The following CNTN5 variants were observed in gnomAD, a reference collection of about 807,000 sequenced individuals.
CNTN5 encodes the protein contactin 5, also known as contactin-5.
Under a neutral mutation model 129.1 loss-of-function variants are expected in CNTN5, and 77 were observed. The observed-to-expected ratio is 0.60, with a 90% confidence interval of 0.50 to 0.72. The LOEUF (loss-of-function observed/expected upper bound fraction) is 0.72, where lower values mean the gene tolerates loss of function less well. CNTN5 is among the 30% of genes least tolerant of loss of function. The pLI, the probability that CNTN5 is intolerant of heterozygous loss-of-function variation, is 0.00. For synonymous variants in CNTN5, 509 were observed against 465.6 expected (o/e 1.09, Z -1.20); for missense variants, 1,478 against 1,328.8 (o/e 1.11, Z -1.75).
chr11:99,812,330 TG>T lies in CNTN5; in HGVS notation c.56-7213del, dbSNP rs1205811905. On this transcript the variant is annotated intron_variant, in intron 3 of 24. Coordinates refer to ENST00000524871, the MANE Select transcript of CNTN5 (RefSeq NM_014361.4). Reference sequence around the variant, plus strand: ...ACTTTTTCAGTTCCTCAGGGTAAAATGAATATGACAATTCGGTATTCATATT... The same window carrying T: ...ACTTTTTCAGTTCCTCAGGGTAAAATAATATGACAATTCGGTATTCATATT... Among the ~76,000 whole-genome samples the T allele has an allele frequency of 3.9e-5, 6 of 152,230 alleles. No homozygotes were observed. The East Asian group carries it at 1.2e-3, about 29-fold the overall frequency.
chr11:100,070,273 G>T, intron 10 of CNTN5, 151 bp from the exon 11 acceptor site: 1 of 596,146 alleles, frequency 1.7e-6, no homozygotes. Context: ...ATAGAATTTT[G>T]TGTGTAACGC....
chr11:99,888,857 C>T lies in CNTN5; in HGVS notation c.578-27197C>T, dbSNP rs761040966. On this transcript the variant is annotated intron_variant, in intron 6 of 24. Transcript: ENST00000524871. ...CTGAGTTTGACACATTACTGCGTGA[C>T]GCAGGGCAAATTTAATTTCTCTAAG... 5.3e-5 allele frequency among the ~76,000 whole-genome samples: 8 copies of T among 152,134 alleles called. No individual in the cohort carries two copies. In the East Asian group the frequency reaches 5.8e-4, roughly 11 times the overall value.
At chr11:99,661,292 T>C (rs1228011754) in intron 3 of CNTN5, among the ~76,000 whole-genome samples, 1 of 152,184 alleles carries the variant, frequency 6.6e-6, no homozygotes, top group Non-Finnish European at 1.5e-5. Context: ...AACTATATTT[T>C]CTGATACATA....
intron 3 of CNTN5, among the ~76,000 whole-genome samples, chr11:99,561,578 G>C (rs897267421): frequency 6.6e-6 from 1 of 152,080 alleles, no homozygotes; most frequent in African/African-American, 2.4e-5. Flanking sequence ...GTGATTTCAT[G>C]GTGGAGAAAA....
At chr11:99,065,596 A>G (rs1446337161) in intron 1 of CNTN5, among the ~76,000 whole-genome samples, 1 of 152,178 alleles carries the variant, frequency 6.6e-6, no homozygotes, top group Non-Finnish European at 1.5e-5. Flanking sequence ...TAATAGCAAT[A>G]TTTACATGTA....
intron 23 of CNTN5, among the ~76,000 whole-genome samples, chr11:100,341,920 ATATAT>A (rs996835233): frequency 5.1e-4 from 77 of 151,372 alleles, no homozygotes; most frequent in Non-Finnish European, 8.8e-4. Context: ...ATATAATAAA[ATATAT>A]TAAGTATAAT....
chr11:100,275,982 C>T (rs1239374986), intron 18 of CNTN5, among the ~76,000 whole-genome samples: 1 of 152,128 alleles, frequency 6.6e-6, no homozygotes, highest in African/African-American at 2.4e-5. Flanking sequence ...AGTACATATC[C>T]AGTATTTTAA....
chr11:99,684,395 CT>C (rs1953695272), intron 3 of CNTN5, among the ~76,000 whole-genome samples: 1 of 151,818 alleles, frequency 6.6e-6, no homozygotes, highest in Non-Finnish European at 1.5e-5. Flanking sequence ...ACTAAGTCCA[CT>C]TAACAACTGT....
chr11:99,724,753 A>G (rs986952782), intron 3 of CNTN5, among the ~76,000 whole-genome samples: 4 of 152,134 alleles, frequency 2.6e-5, no homozygotes, highest in Admixed American at 6.5e-5. Flanking sequence ...ACAGTATCTG[A>G]CAAAAAAAAA....
At chr11:100,008,569 A>G (rs1337977771) in intron 9 of CNTN5, among the ~76,000 whole-genome samples, 2 of 152,102 alleles carry the variant, frequency 1.3e-5, no homozygotes, top group African/African-American at 4.8e-5. Flanking sequence ...TCTGTTCTCA[A>G]AGAAATTGCA....
chr11:99,375,838 A>G (rs1940146946), intron 2 of CNTN5, among the ~76,000 whole-genome samples: 1 of 152,196 alleles, frequency 6.6e-6, no homozygotes, highest in South Asian at 2.1e-4. Flanking sequence ...CTTCCACCAT[A>G]TTCTGTTGGT....
chr11:99,504,491 C>T (rs1205912211), intron 2 of CNTN5, among the ~76,000 whole-genome samples: 1 of 143,058 alleles, frequency 7.0e-6, no homozygotes, highest in Non-Finnish European at 1.5e-5. Flanking sequence ...CAGTGAGCCA[C>T]TGCACGCCAG....
chr11:100,024,478 T>G (rs1330986549), intron 9 of CNTN5, among the ~76,000 whole-genome samples: 1 of 152,160 alleles, frequency 6.6e-6, no homozygotes, highest in East Asian at 1.9e-4. Flanking sequence ...GAAGCAACTT[T>G]GGAACTGGGT....
At chr11:99,580,129 C>G (rs1246683418) in intron 3 of CNTN5, among the ~76,000 whole-genome samples, 1 of 152,134 alleles carries the variant, frequency 6.6e-6, no homozygotes, top group Non-Finnish European at 1.5e-5. Flanking sequence ...CGCTGGATTA[C>G]ATTTATTGAT....
intron 1 of CNTN5, among the ~76,000 whole-genome samples, chr11:99,119,838 A>T (rs147487130): frequency 1.4e-3 from 211 of 152,182 alleles, no homozygotes; most frequent in African/African-American, 4.9e-3. Context: ...GTGAGATGGT[A>T]TCTCATTGTG....
chr11:99,296,631 C>T (rs1266268754), intron 1 of CNTN5, among the ~76,000 whole-genome samples: 1 of 152,132 alleles, frequency 6.6e-6, no homozygotes, highest in African/African-American at 2.4e-5. Context: ...GAATATGGAA[C>T]CAAACATTGG....
chr11:99,283,300 G>T (rs1433135185), intron 1 of CNTN5, among the ~76,000 whole-genome samples: 3 of 151,958 alleles, frequency 2.0e-5, no homozygotes, highest in Non-Finnish European at 1.5e-5. Context: ...AAAAATTTTA[G>T]CTAAAAATTT....
intron 2 of CNTN5, among the ~76,000 whole-genome samples, chr11:99,374,329 G>T (rs183425952): frequency 5.9e-5 from 9 of 152,264 alleles, no homozygotes; most frequent in Non-Finnish European, 1.5e-5. Flanking sequence ...AAAGCCTTTG[G>T]CATCAGATAC....
intron 13 of CNTN5, among the ~76,000 whole-genome samples, chr11:100,180,326 G>T (rs1047778478): frequency 9.2e-5 from 14 of 152,010 alleles, no homozygotes; most frequent in Middle Eastern, 6.8e-3. Flanking sequence ...ATGCTCAACT[G>T]ATTTTTGACA....
Sources: gnomAD v4.1 joint callset for allele counts (sites outside exome capture counted in the v4.1 genomes callset) on GRCh38, gnomAD v4.1.1 for gene constraint, MANE v1.5 for transcripts, NCBI Gene and HGNC (gene_info 2026-07-23, HGNC 2026-07-21) for gene names.